The following PDE1C variants were observed in gnomAD, a reference collection of about 807,000 sequenced individuals.
PDE1C encodes dual specificity calcium/calmodulin-dependent 3',5'-cyclic nucleotide phosphodiesterase 1C.
In PDE1C, 62 loss-of-function variants were observed where a neutral mutation model predicts 93.1. That is an observed-to-expected ratio of 0.67 (90% CI 0.54 to 0.82). The LOEUF (loss-of-function observed/expected upper bound fraction) is 0.82, where lower values mean the gene tolerates loss of function less well. Ranked by LOEUF, PDE1C falls within the 40% of genes least tolerant of loss-of-function variation. The pLI is 0.00. For missense variants in PDE1C, 742 were observed against 884.6 expected (o/e 0.84, Z 2.04); for synonymous variants, 325 against 310.1 (o/e 1.05, Z -0.50).
At chr7:31,942,587 G>A (rs1806002011) in intron 2 of PDE1C, among the ~76,000 whole-genome samples, 1 of 152,066 alleles carries the variant, frequency 6.6e-6, no homozygotes, top group Non-Finnish European at 1.5e-5. Flanking sequence ...CAAGCAAGTG[G>A]GAATGAAAAA....
the PDE1C span, among the ~76,000 whole-genome samples, chr7:31,623,710 G>T: frequency 7.2e-6 from 1 of 138,184 alleles, no homozygotes; most frequent in Non-Finnish European, 1.6e-5. Flanking sequence ...AGTTTTCAAA[G>T]GAAAACTTTG....
intron 2 of PDE1C, among the ~76,000 whole-genome samples, chr7:31,969,384 TG>T (rs1810559415): frequency 1.3e-5 from 2 of 152,072 alleles, no homozygotes; most frequent in African/African-American, 4.8e-5. Flanking sequence ...AAAAAACACA[TG>T]AAAAAATGCT....
At chr7:32,193,102 A>T (rs1405500859) in intron 2 of PDE1C, among the ~76,000 whole-genome samples, 1 of 152,068 alleles carries the variant, frequency 6.6e-6, no homozygotes, top group African/African-American at 2.4e-5. Context: ...TGCAAAAGGG[A>T]CAATTTTACT....
the PDE1C span, among the ~76,000 whole-genome samples, chr7:31,625,767 A>ATAATT: frequency 1.3e-5 from 2 of 152,172 alleles, no homozygotes; most frequent in Admixed American, 1.3e-4. Context: ...AACTTAAAGT[A>ATAATT]TAATTAAAAA....
At chr7:32,295,750 A>G (rs993792705) in intron 1 of PDE1C, among the ~76,000 whole-genome samples, 1 of 152,012 alleles carries the variant, frequency 6.6e-6, no homozygotes, top group African/African-American at 2.4e-5. Flanking sequence ...AAAAATTAGC[A>G]GGGCGTGTTG....
chr7:31,929,464 C>T (rs955316217), intron 2 of PDE1C, among the ~76,000 whole-genome samples: 1 of 152,194 alleles, frequency 6.6e-6, no homozygotes, highest in Non-Finnish European at 1.5e-5. Context: ...AAACTCTCCA[C>T]CACAAATCAA....
chr7:32,314,489 A>G (rs533975413), intron 1 of PDE1C, among the ~76,000 whole-genome samples: 41 of 152,304 alleles, frequency 2.7e-4, no homozygotes, highest in African/African-American at 9.4e-4. Context: ...TCCCAGATGG[A>G]TAACTGGTTA....
At chr7:31,692,757 G>C in the PDE1C span, among the ~76,000 whole-genome samples, 1 of 152,100 alleles carries the variant, frequency 6.6e-6, no homozygotes, top group South Asian at 2.1e-4. Context: ...GAGAGAGAAA[G>C]AGAGAGAGAG....
intron 16 of PDE1C, among the ~76,000 whole-genome samples, chr7:31,797,923 G>C (rs933488168): frequency 3.3e-5 from 5 of 151,832 alleles, no homozygotes; most frequent in African/African-American, 9.6e-5. Flanking sequence ...GGGTGCCATA[G>C]AGGGGTGCCT....
At chr7:32,236,432 AC>A (rs2128866075) in intron 1 of PDE1C, among the ~76,000 whole-genome samples, 1 of 152,326 alleles carries the variant, frequency 6.6e-6, no homozygotes, top group South Asian at 2.1e-4. Flanking sequence ...TATTCAGAAT[AC>A]ATAAAAAATT....
In PDE1C at chr7:31,811,398, G is replaced by A. The variant is rs139534408; in HGVS notation, c.1814-2290C>T. 4.5e-3 allele frequency among the ~76,000 whole-genome samples: 681 copies of A among 152,154 alleles called. 5 individuals carry two copies. Among genetic ancestry groups the A allele is most frequent in the African/African-American group, 0.015 (642 of 41,542 alleles). On this transcript the variant is annotated intron_variant, in intron 15 of 17. Transcript: ENST00000396191. ...AATACACACTAGGTGGAAGAATTGA[G>A]GAGCAGGGGAGTCTACTCTGGCCAG...
chr7:32,102,452 T>C (rs892975596), intron 3 of PDE1C, among the ~76,000 whole-genome samples: 1 of 152,230 alleles, frequency 6.6e-6, no homozygotes, highest in African/African-American at 2.4e-5. Context: ...GAAACTCAGC[T>C]TCCTTATCTG....
intron 1 of PDE1C, among the ~76,000 whole-genome samples, chr7:32,290,205 G>A (rs1004070625): frequency 1.5e-4 from 23 of 152,170 alleles, no homozygotes; most frequent in African/African-American, 4.3e-4. Context: ...GGAAGCACCC[G>A]GCTTGGCTGA....
intron 2 of PDE1C, among the ~76,000 whole-genome samples, chr7:31,896,036 C>T (rs1460871574): frequency 1.1e-5 from 1 of 94,310 alleles, no homozygotes; most frequent in East Asian, 4.4e-4. Context: ...CACAAACACA[C>T]ACACAAACTG....
At chr7:32,223,712 C>A (rs1394043886) in intron 1 of PDE1C, among the ~76,000 whole-genome samples, 1 of 152,166 alleles carries the variant, frequency 6.6e-6, no homozygotes, top group Non-Finnish European at 1.5e-5. Context: ...TTCTCTGTAC[C>A]CTCAGAACCA....
At chr7:31,642,909 G>T in the PDE1C span, 1 of 1,614,016 alleles carries the variant, frequency 6.2e-7, no homozygotes, top group South Asian at 1.1e-5. Flanking sequence ...CCATGGAGGG[G>T]CCACCAGAGC....
At chr7:32,138,588 G>A (rs1015344653) in intron 3 of PDE1C, among the ~76,000 whole-genome samples, 11 of 152,110 alleles carry the variant, frequency 7.2e-5, no homozygotes, top group Non-Finnish European at 1.3e-4. Context: ...AGATAAGAGA[G>A]AAAACAATAA....
At chr7:31,846,727 C>A (rs916776676) in intron 9 of PDE1C, among the ~76,000 whole-genome samples, 1 of 152,000 alleles carries the variant, frequency 6.6e-6, no homozygotes, top group African/African-American at 2.4e-5. Flanking sequence ...TGTAATCAAA[C>A]CTTTTATTAT....
intron 17 of PDE1C, among the ~76,000 whole-genome samples, chr7:31,773,643 A>G (rs1795643870): frequency 6.6e-6 from 1 of 152,108 alleles, no homozygotes; most frequent in Non-Finnish European, 1.5e-5. Context: ...GTAGAGTTGA[A>G]ACAAATCCAA....
Sources: gnomAD v4.1 joint callset for allele counts (sites outside exome capture counted in the v4.1 genomes callset) on GRCh38, gnomAD v4.1.1 for gene constraint, MANE v1.5 for transcripts, NCBI Gene and HGNC (gene_info 2026-07-23, HGNC 2026-07-21) for gene names.